The following BSN variants were observed in gnomAD, a reference collection of about 807,000 sequenced individuals.
BSN encodes the protein protein bassoon.
A neutral mutation model predicts 264.8 loss-of-function variants in BSN; 57 were observed. That is an observed-to-expected ratio of 0.22 (90% CI 0.17 to 0.27). The LOEUF (loss-of-function observed/expected upper bound fraction) is 0.27, where lower values mean the gene tolerates loss of function less well. BSN is among the 10% of genes least tolerant of loss of function. BSN has a pLI of 1.00. For missense variants in BSN, 4,615 were observed against 5,232.5 expected (o/e 0.88, Z 3.64); for synonymous variants, 2,059 against 2,137.3 (o/e 0.96, Z 1.01).
In BSN at chr3:49,663,363, G is replaced by A. The variant is rs774088275; in HGVS notation, c.11205G>A (p.Leu3735=). The A allele has an allele frequency of 6.2e-7, 1 of 1,613,340 alleles. No homozygotes were observed. Among genetic ancestry groups the A allele is most frequent in the Non-Finnish European group, 8.5e-7 (1 of 1,180,016 alleles). Residue 3735 remains leucine, a synonymous_variant, in exon 7 of 12, where the codon CTG becomes CTA. Coordinates refer to ENST00000296452, the MANE Select transcript of BSN (RefSeq NM_003458.4). ...AAGCCCACTCCGGGCCCGCTGCACT[G>A]CAGTCAAAGGCAGAACCCCAGGCGC... The part of the protein sequence containing the change: ...SRQAHSGPAA[L]QSKAEPQAQP...
rs757773942 is a variant in BSN at position 49,653,783 on chromosome 3, T to C, written c.4227T>C (p.Ser1409=). Residue 1409 remains serine (S), a synonymous_variant, in exon 5 of 12, where the codon AGT becomes AGC. Coordinates refer to ENST00000296452, the MANE Select transcript of BSN (RefSeq NM_003458.4). This position sits in a 1 kb window ranked among gnomAD's most constrained non-coding sequence, Gnocchi z 6.3. ...CCTCCCCAGCAGGCTCCGAGCGTAG[T>C]CCTTCACCATCTTCCACAGCCCACA... ...TPASPAGSER[S]PSPSSTAHSY... The C allele has an allele frequency of 6.2e-7, 1 of 1,614,006 alleles. No homozygotes were observed. Among genetic ancestry groups the C allele is most frequent in the Non-Finnish European group, 8.5e-7 (1 of 1,179,986 alleles).
Position 49,610,451 on chromosome 3 carries a change from G to A in BSN, c.225-14524G>A, listed in dbSNP as rs144056489. Among the ~76,000 whole-genome samples the A allele has an allele frequency of 4.3e-3, 653 of 151,926 alleles. 7 individuals are homozygous for A. The highest frequency in any genetic ancestry group is 0.015 in the African/African-American group (620 of 41,396). On this transcript the variant is annotated intron_variant, in intron 1 of 11. Transcript: ENST00000296452. Reference sequence around the variant, plus strand: ...TACAAAAAATTAGCTGGGTGTGGTCGCTCAGGCCTGTAATCCCAGCTACTC... The same window carrying A: ...TACAAAAAATTAGCTGGGTGTGGTCACTCAGGCCTGTAATCCCAGCTACTC...
intron 1 of BSN, among the ~76,000 whole-genome samples, chr3:49,621,810 TG>T (rs1301185288): frequency 1.3e-5 from 2 of 152,272 alleles, no homozygotes; most frequent in African/African-American, 4.8e-5. Flanking sequence ...CTTGATCTCC[TG>T]GGCTCAAGAG....
At chr3:49,580,004 A>G (rs1400393689) in intron 1 of BSN, among the ~76,000 whole-genome samples, 1 of 152,148 alleles carries the variant, frequency 6.6e-6, no homozygotes, top group Non-Finnish European at 1.5e-5. Context: ...TTTTGCTAGT[A>G]GTTGTTTATA....
At chr3:49,573,845 C>A (rs552361078) in intron 1 of BSN, among the ~76,000 whole-genome samples, 1 of 151,946 alleles carries the variant, frequency 6.6e-6, no homozygotes, top group East Asian at 1.9e-4. Context: ...TTAGTAGAAA[C>A]GGGGTTTCTC....
intron 1 of BSN, among the ~76,000 whole-genome samples, chr3:49,598,973 A>G (rs1347245784): frequency 4.6e-5 from 7 of 152,106 alleles, no homozygotes; most frequent in Non-Finnish European, 5.9e-5. Flanking sequence ...AGGAGTTTAC[A>G]TTTTTGCCCC....
intron 2 of BSN, among the ~76,000 whole-genome samples, chr3:49,633,529 A>G (rs567042114): frequency 1.3e-5 from 2 of 152,298 alleles, no homozygotes; most frequent in East Asian, 1.9e-4. Flanking sequence ...CAGTTCCTCA[A>G]AAAATTATAA....
At chr3:49,592,750 C>CAAA (rs773509322) in intron 1 of BSN, among the ~76,000 whole-genome samples, 1 of 112,952 alleles carries the variant, frequency 8.9e-6, no homozygotes. Flanking sequence ...GACTCCATCT[C>CAAA]AAAAAAAAAA....
intron 1 of BSN, among the ~76,000 whole-genome samples, chr3:49,570,211 C>T (rs368594045): frequency 2.5e-4 from 38 of 152,296 alleles, no homozygotes; most frequent in African/African-American, 8.9e-4. Context: ...GCCTAAGATA[C>T]ACCACCCATA....
chr3:49,654,131 T>C lies in BSN; in HGVS notation c.4575T>C (p.Thr1525=). Residue 1525 remains threonine (T), a synonymous_variant, in exon 5 of 12, where the codon ACT becomes ACC. Transcript: ENST00000296452. This position sits in a 1 kb window ranked among gnomAD's most constrained non-coding sequence, Gnocchi z 4.1. ...SDMPRSPGAP[T]PSPMVAQGTQ... is the part of the protein sequence containing the mutation. ...TGCCACGGAGCCCTGGTGCCCCCAC[T>C]CCATCACCTATGGTAGCCCAGGGTA... 1 of 1,613,936 alleles carries C rather than the reference T, an allele frequency of 6.2e-7. No individual in the cohort carries two copies. The highest frequency in any genetic ancestry group is 8.5e-7 in the Non-Finnish European group (1 of 1,180,010).
At chr3:49,620,411 T>A (rs2052295581) in intron 1 of BSN, among the ~76,000 whole-genome samples, 1 of 141,586 alleles carries the variant, frequency 7.1e-6, no homozygotes, top group African/African-American at 2.7e-5. Flanking sequence ...GGCGACAGAG[T>A]GAGACTCCGT....
intron 1 of BSN, among the ~76,000 whole-genome samples, chr3:49,560,099 AC>A (rs2051701133): frequency 6.6e-6 from 1 of 151,910 alleles, no homozygotes; most frequent in Non-Finnish European, 1.5e-5. Flanking sequence ...CATGCCTTTC[AC>A]CCCAGTGTGG....
chr3:49,658,703 G>A (rs940093485), intron 5 of BSN, among the ~76,000 whole-genome samples: 5 of 152,284 alleles, frequency 3.3e-5, no homozygotes, highest in Middle Eastern at 3.4e-3. Context: ...CCATCCCAGC[G>A]GGCTGCAGTG....
At chr3:49,556,103 A>T (rs2051669180) in intron 1 of BSN, among the ~76,000 whole-genome samples, 2 of 152,324 alleles carry the variant, frequency 1.3e-5, no homozygotes, top group Non-Finnish European at 2.9e-5. Context: ...CACTGCAAAC[A>T]CTGTCCATTT....
In BSN at chr3:49,657,300, G is replaced by A. The variant is rs930597467; in HGVS notation, c.7744G>A (p.Asp2582Asn). Residue 2582 changes from aspartate (D) to asparagine (N), a missense_variant, in exon 5 of 12, where the codon GAC becomes AAC. This residue lies in a region of BSN where 3,415 missense variants were observed against 3,866.4 expected (regional missense o/e 0.88). Coordinates refer to ENST00000296452, the MANE Select transcript of BSN (RefSeq NM_003458.4). ...TEPCVVRRIA[D>N]SSVQTDDEDG... ...GCCCTGTGTGGTCAGGAGGATTGCC[G>A]ACAGCAGCGTGCAGACAGACGATGA... 11 of 1,613,376 alleles carry A rather than the reference G, an allele frequency of 6.8e-6. No homozygotes were observed. The highest frequency in any genetic ancestry group is 1.1e-5 in the South Asian group (1 of 91,076).
At position 49,651,193 on chromosome 3, in the gene BSN, C is replaced by T. The variant is rs2052538966; in HGVS notation, c.1986+114C>T. 3 of 1,057,332 alleles carry T rather than the reference C, an allele frequency of 2.8e-6. No homozygotes were observed. The highest frequency in any genetic ancestry group is 4.0e-6 in the Non-Finnish European group (3 of 751,598). The allele number at this position is 1,057,332 out of a possible 1,614,324, so 65.5% of individuals were successfully genotyped here. A position where few individuals can be genotyped will look rare whatever the true frequency, so the allele number is the denominator to read the frequency against. On this transcript the variant is annotated intron_variant, in intron 4 of 11. Coordinates refer to ENST00000296452, the MANE Select transcript of BSN (RefSeq NM_003458.4). The surrounding 1 kb of genome is among the most constrained non-coding windows in gnomAD (Gnocchi z 5.4). ...GCTCAGGACAGGTGCCTTGGGGCCACACAGGAGGGAAGGGACACAGTAGAA... is the reference window on the plus strand; with the variant it reads ...GCTCAGGACAGGTGCCTTGGGGCCATACAGGAGGGAAGGGACACAGTAGAA...
At chr3:49,640,715 G>A (rs898823764) in intron 2 of BSN, 9 of 152,122 alleles carry the variant, frequency 5.9e-5, no homozygotes, top group African/African-American at 1.2e-4. Flanking sequence ...GGTCAGGCAG[G>A]TCTCGAACTC....
At chr3:49,579,223 A>G (rs2051873954) in intron 1 of BSN, among the ~76,000 whole-genome samples, 1 of 151,176 alleles carries the variant, frequency 6.6e-6, no homozygotes, top group South Asian at 2.1e-4. Flanking sequence ...TCATGGCTTC[A>G]AGTGATCCTC....
In BSN at chr3:49,657,606, G is replaced by T. The variant is rs751955111; in HGVS notation, c.8050G>T (p.Val2684Phe). The T allele has an allele frequency of 4.3e-6, 7 of 1,609,548 alleles. No individual in the cohort carries two copies. The highest frequency in any genetic ancestry group is 1.3e-5 in the African/African-American group (1 of 74,980). ...VQTEPDQLPRVSPAIHITAAT... is the reference protein window; with the variant it reads ...VQTEPDQLPRFSPAIHITAAT... ...GACGGAGCCTGACCAGCTGCCCAGG[G>T]TCTCTCCAGCCATCCACATCACAGC... is the stretch of plus-strand genomic sequence containing the variant. The change falls in exon 5 of 12, where the codon GTC becomes TTC. Residue 2684 changes from valine to phenylalanine, a missense_variant. This residue lies in a region of BSN where 3,415 missense variants were observed against 3,866.4 expected (regional missense o/e 0.88). Transcript: ENST00000296452.
Sources: allele counts gnomAD v4.1 joint callset (sites outside exome capture counted in the v4.1 genomes callset), GRCh38; gene constraint gnomAD v4.1.1; regional missense constraint gnomAD v4.1.1; non-coding constraint Gnocchi (gnomAD v3.1); transcripts MANE v1.5; gene names NCBI Gene and HGNC (gene_info 2026-07-23, HGNC 2026-07-21).